Variants in CCDC88C observed in about 807,000 individuals in gnomAD.
CCDC88C encodes the protein coiled-coil and HOOK domain protein 88C.
CCDC88C carries 131 observed loss-of-function variants against 198.8 expected under a neutral mutation model. That is an observed-to-expected ratio of 0.66 (90% confidence interval 0.57 to 0.76). The LOEUF is 0.76. Among genes scored for constraint, CCDC88C ranks in the 30% least tolerant of loss-of-function variants. The pLI is 0.00. For missense variants in CCDC88C, 2,553 were observed against 2,631.6 expected (o/e 0.97, Z 0.65); for synonymous variants, 1,166 against 1,114.7 (o/e 1.05, Z -0.92).
At chr14:91,359,768 G>A in intron 3 of CCDC88C, 57 bp from the exon 4 acceptor site, 3 of 1,472,412 alleles carry the variant, frequency 2.0e-6, no homozygotes, top group Non-Finnish European at 2.8e-6. Flanking sequence ...AAATAAAGAG[G>A]GATTAAGTAA....
At position 91,284,860 on chromosome 14, in the gene CCDC88C, T is replaced by C. The variant is rs1398103497; in HGVS notation, c.4442-1343A>G. ...GTAATCATATTTTTGTAGGTAATCATAGACGGTATCAGGATATGACAAAAA... is the reference window on the plus strand; with the variant it reads ...GTAATCATATTTTTGTAGGTAATCACAGACGGTATCAGGATATGACAAAAA... On this transcript the variant is annotated intron_variant, in intron 25 of 29. Coordinates refer to ENST00000389857, the MANE Select transcript of CCDC88C (RefSeq NM_001080414.4). This position sits in a 1 kb window ranked among gnomAD's most constrained non-coding sequence, Gnocchi z 4.1. Among the ~76,000 whole-genome samples the C allele has an allele frequency of 6.6e-6, 1 of 152,336 alleles. No homozygotes were observed. Among genetic ancestry groups the C allele is most frequent in the African/African-American group, 2.4e-5 (1 of 41,574 alleles).
chr14:91,334,847 G>T (rs1567082863), intron 10 of CCDC88C, among the ~76,000 whole-genome samples: 2 of 152,124 alleles, frequency 1.3e-5, no homozygotes, highest in Admixed American at 1.3e-4. Flanking sequence ...GGCTCAGATG[G>T]TACCTGGCTC....
intron 3 of CCDC88C, among the ~76,000 whole-genome samples, chr14:91,403,414 A>T (rs751881485): frequency 6.6e-6 from 1 of 152,182 alleles, no homozygotes; most frequent in Non-Finnish European, 1.5e-5. Flanking sequence ...CTTTCCAGAC[A>T]AGGCGCCGGA....
intron 18 of CCDC88C, 97 bp downstream of exon 18, chr14:91,306,941 G>T: frequency 7.6e-7 from 1 of 1,307,218 alleles, no homozygotes; most frequent in Non-Finnish European, 1.0e-6. Context: ...AATCTCCTGT[G>T]TTCTTTACAG....
chr14:91,322,773 C>T lies in CCDC88C; in HGVS notation c.1343-1469G>A, dbSNP rs138497065. The stretch of plus-strand genomic sequence containing the variant: ...CCTTTTCACCTTCCCAAACTGACCA[C>T]AGAGATTAATTTTTAAGGTTCTGTG... On this transcript the variant is annotated intron_variant, in intron 12 of 29. Coordinates refer to ENST00000389857, the MANE Select transcript of CCDC88C (RefSeq NM_001080414.4). Among the ~76,000 whole-genome samples the T allele has an allele frequency of 2.4e-4, 36 of 152,262 alleles. No homozygotes were observed. In the East Asian group the frequency reaches 5.4e-3, roughly 23 times the overall value.
At chr14:91,368,322 A>G (rs1339537669) in intron 3 of CCDC88C, among the ~76,000 whole-genome samples, 9 of 152,238 alleles carry the variant, frequency 5.9e-5, no homozygotes, top group African/African-American at 2.2e-4. Context: ...ACAAAAGTTA[A>G]AAACATTTCA....
chr14:91,406,360 G>C (rs1457472275), intron 3 of CCDC88C, among the ~76,000 whole-genome samples: 1 of 151,020 alleles, frequency 6.6e-6, no homozygotes, highest in Non-Finnish European at 1.5e-5. Context: ...CTCCATTTGA[G>C]ACCTTCATCA....
In CCDC88C at chr14:91,273,515, C is replaced by T. The variant is rs369187490; in HGVS notation, c.5197G>A (p.Val1733Ile). 8.4e-5 allele frequency: 129 copies of T among 1,536,682 alleles called. No homozygotes were observed. The highest frequency in any genetic ancestry group is 1.0e-4 in the Non-Finnish European group (119 of 1,141,514). Residue 1733 changes from valine to isoleucine, a missense_variant, in exon 30 of 30, where the codon GTC becomes ATC. Physicochemically the swap from Val to Ile is conservative, Grantham distance 29. Coordinates refer to ENST00000389857, the MANE Select transcript of CCDC88C (RefSeq NM_001080414.4). The surrounding 1 kb of genome is among the most constrained non-coding windows in gnomAD (Gnocchi z 5.6). Reference protein sequence around the residue: ...KMPTNFVAPTVKMAAPTSEGR... With the variant: ...KMPTNFVAPTIKMAAPTSEGR... ...TCCGAGGTGGGGGCGGCCATTTTGA[C>T]GGTGGGGGCCACAAAGTTGGTGGGC...
rs1886393621 is a variant in CCDC88C at position 91,404,820 on chromosome 14, C to T, written c.270+3839G>A. ...CTACTAAAAATACAAAAAAAATTAG[C>T]CAGGAGTGGTGGCAGGTGCCTGTAG... On this transcript the variant is annotated intron_variant, in intron 3 of 29. Transcript: ENST00000389857. 2.6e-5 allele frequency among the ~76,000 whole-genome samples: 4 copies of T among 151,992 alleles called. No homozygotes were observed. The South Asian group carries it at 6.2e-4, about 24-fold the overall frequency.
rs899805785 is a variant in CCDC88C, at chr14:91,313,065, C to T, written c.2736+15G>A. ...TCTGCCAATCCCCTTACAGGCGCCGCCTGTGTTTGCTCACCTCCCTCAGAG... is the reference window on the plus strand; with the variant it reads ...TCTGCCAATCCCCTTACAGGCGCCGTCTGTGTTTGCTCACCTCCCTCAGAG... On this transcript the variant is annotated intron_variant, in intron 15 of 29. Transcript: ENST00000389857. This position sits in a 1 kb window ranked among gnomAD's most constrained non-coding sequence, Gnocchi z 5.2. 5 of 1,559,214 alleles carry T rather than the reference C, an allele frequency of 3.2e-6. No homozygotes were observed. The highest frequency in any genetic ancestry group is 3.5e-6 in the Non-Finnish European group (4 of 1,149,846).
chr14:91,397,813 G>A lies in CCDC88C; in HGVS notation c.270+10846C>T, dbSNP rs542498240. ...GCAGCACCCCCACCCCACTGCGGGT[G>A]CAGATCCTGACTGGCCCTGCCAGCC... On this transcript the variant is annotated intron_variant, in intron 3 of 29. Transcript: ENST00000389857. Among the ~76,000 whole-genome samples the A allele has an allele frequency of 1.3e-4, 20 of 152,338 alleles. No individual in the cohort carries two copies. In the South Asian group the frequency reaches 3.9e-3, roughly 30 times the overall value.
At chr14:91,414,218 A>G (rs1886930179) in intron 2 of CCDC88C, among the ~76,000 whole-genome samples, 1 of 152,234 alleles carries the variant, frequency 6.6e-6, no homozygotes, top group East Asian at 1.9e-4. Context: ...TGGCACCTAC[A>G]TAGGCAAATA....
Position 91,278,211 on chromosome 14 carries a change from C to G in CCDC88C, c.4769G>C (p.Gly1590Ala), listed in dbSNP as rs954113062. The G allele has an allele frequency of 6.9e-6, 11 of 1,593,520 alleles. No individual in the cohort carries two copies. Among genetic ancestry groups the G allele is most frequent in the East Asian group, 2.2e-5 (1 of 44,474 alleles). Residue 1590 changes from glycine (G) to alanine (A), a missense_variant and splice_region_variant, in exon 29 of 30, where the codon GGC becomes GCC. This residue lies in a region of CCDC88C where 1,293 missense variants were observed against 1,219.6 expected (regional missense o/e 1.06). Coordinates refer to ENST00000389857, the MANE Select transcript of CCDC88C (RefSeq NM_001080414.4). Reference protein sequence around the residue: ...SSNSSPLNLKGSSEQLHGRSE... With the variant: ...SSNSSPLNLKASSEQLHGRSE... ...CCGGCCATGGAGCTGCTCGGAGGAG[C>G]CTGGGTGTCAGGGCAGGAGACAGAG...
chr14:91,399,619 T>A (rs1567122554), intron 3 of CCDC88C, among the ~76,000 whole-genome samples: 1 of 151,936 alleles, frequency 6.6e-6, no homozygotes, highest in South Asian at 2.1e-4. Context: ...AGGTGGATCA[T>A]CTGAGGTCAG....
chr14:91,415,698 C>T (rs575734312), intron 2 of CCDC88C, among the ~76,000 whole-genome samples: 8 of 147,910 alleles, frequency 5.4e-5, no homozygotes, highest in African/African-American at 1.8e-4. Context: ...CCAGCCTGGG[C>T]AACAAGAGCG....
At chr14:91,404,321 G>A (rs1257276011) in intron 3 of CCDC88C, among the ~76,000 whole-genome samples, 1 of 152,160 alleles carries the variant, frequency 6.6e-6, no homozygotes, top group Non-Finnish European at 1.5e-5. Context: ...CCTGTCCTGG[G>A]GCGGTGAGAC....
chr14:91,275,172 C>T (rs1181729952), intron 29 of CCDC88C, among the ~76,000 whole-genome samples: 1 of 152,164 alleles, frequency 6.6e-6, no homozygotes, highest in Non-Finnish European at 1.5e-5. Flanking sequence ...ACAGAGGGGG[C>T]TGGCTCGCTG....
rs1214629763 is a variant in CCDC88C, at chr14:91,272,156, C to T, written c.*469G>A. 1 of 158,568 alleles carries T rather than the reference C, an allele frequency of 6.3e-6. No individual in the cohort carries two copies. Among genetic ancestry groups the T allele is most frequent in the Non-Finnish European group, 1.4e-5 (1 of 71,908 alleles). 9.8% of individuals were successfully genotyped at this position (158,568 alleles called of 1,614,324 possible). ...GCCCTGGAGACCTTTGTAGTATCGC[C>T]AGTCTGGGCTTCTCCTGGGATCCAG... On this transcript the variant is annotated 3_prime_UTR_variant, in exon 30 of 30. Coordinates refer to ENST00000389857, the MANE Select transcript of CCDC88C (RefSeq NM_001080414.4).
At chr14:91,405,665 G>A (rs1470051577) in intron 3 of CCDC88C, among the ~76,000 whole-genome samples, 1 of 152,200 alleles carries the variant, frequency 6.6e-6, no homozygotes, top group Non-Finnish European at 1.5e-5. Flanking sequence ...GATTGTCTCT[G>A]GGTGCTGGGC....
Sources: allele counts gnomAD v4.1 joint callset (sites outside exome capture counted in the v4.1 genomes callset), GRCh38; gene constraint gnomAD v4.1.1; regional missense constraint gnomAD v4.1.1; non-coding constraint Gnocchi (gnomAD v3.1); transcripts MANE v1.5; gene names NCBI Gene and HGNC (gene_info 2026-07-23, HGNC 2026-07-21).